LRRC37A: variants seen among roughly 807,000 people sequenced by gnomAD.
The protein encoded by LRRC37A is leucine-rich repeat-containing protein 37A.
A neutral mutation model predicts 35.4 loss-of-function variants in LRRC37A; 3 were observed. The ratio of observed to expected loss-of-function variants is 0.08; its 90% CI spans 0.04 to 0.22. The LOEUF (loss-of-function observed/expected upper bound fraction) is 0.22, where lower values mean the gene tolerates loss of function less well. LRRC37A is among the 10% of genes least tolerant of loss of function. The pLI is 1.00. For synonymous variants in LRRC37A, 23 were observed against 215.0 expected, an observed-to-expected ratio of 0.11 and a Z score of 7.81; for missense variants, 67 against 565.3, an observed-to-expected ratio of 0.12 and a Z score of 8.94.
At chr17:46,259,019 A>ATCTTTTTTTT in the LRRC37A span, among the ~76,000 whole-genome samples, 1 of 79,468 alleles carries the variant, frequency 1.3e-5, no homozygotes, top group Non-Finnish European at 2.2e-5. Flanking sequence ...CACCCGGCCT[A>ATCTTTTTTTT]TTTTTTTTTT....
At chr17:46,268,004 C>T in the LRRC37A span, among the ~76,000 whole-genome samples, 1 of 150,050 alleles carries the variant, frequency 6.7e-6, no homozygotes, top group Admixed American at 6.7e-5. Context: ...AGGTTCAAGC[C>T]ATTCTCCTGC....
the LRRC37A span, among the ~76,000 whole-genome samples, chr17:46,275,581 A>G: frequency 4.6e-5 from 7 of 152,264 alleles, no homozygotes; most frequent in Non-Finnish European, 8.8e-5. Context: ...TTAACCTATA[A>G]TAATAAAACT....
the LRRC37A span, among the ~76,000 whole-genome samples, chr17:46,282,772 A>G: frequency 1.3e-5 from 2 of 152,164 alleles, no homozygotes; most frequent in Non-Finnish European, 2.9e-5. Context: ...CTTAGAAACC[A>G]TCTTCCTTGC....
At chr17:46,288,706 C>CTTTTTTTTTTTTTTTTTTTT (rs199591277), upstream of LRRC37A, among the ~76,000 whole-genome samples, 3 of 139,024 alleles carry the variant, frequency 2.2e-5, no homozygotes, top group Admixed American at 7.2e-5. Flanking sequence ...CTTGTTTTTT[C>CTTTTTTTTTTTTTTTTTTTT]TTTTTTTTTT....
chr17:46,261,099 T>C, the LRRC37A span, among the ~76,000 whole-genome samples: 61 of 152,270 alleles, frequency 4.0e-4, no homozygotes, highest in Non-Finnish European at 5.3e-4. Context: ...AGACTATTAA[T>C]TGGGTGCAGT....
At chr17:46,281,471 C>G in the LRRC37A span, among the ~76,000 whole-genome samples, 3 of 151,952 alleles carry the variant, frequency 2.0e-5, no homozygotes, top group Non-Finnish European at 4.4e-5. Flanking sequence ...CTCACTGCAG[C>G]CTTGAACTCC....
chr17:46,265,335 CTCTTCTTCT>C, the LRRC37A span, among the ~76,000 whole-genome samples: 2 of 108,916 alleles, frequency 1.8e-5, no homozygotes, highest in African/African-American at 6.0e-5. Flanking sequence ...TTTTTTTCTC[CTCTTCTTCT>C]TCTTCTTCTC....
chr17:46,267,044 T>G, the LRRC37A span: 1 of 236,728 alleles, frequency 4.2e-6, no homozygotes, highest in South Asian at 1.5e-4. Context: ...CAGCTTCAGA[T>G]TCGGCCTCAG....
the LRRC37A span, among the ~76,000 whole-genome samples, chr17:46,264,081 G>C: frequency 7.9e-5 from 12 of 151,196 alleles, no homozygotes; most frequent in African/African-American, 2.9e-4. Flanking sequence ...TAAGTAAAAT[G>C]CTATCCTGAG....
the LRRC37A span, chr17:46,259,526 T>G: frequency 1.2e-6 from 2 of 1,607,614 alleles, no homozygotes; most frequent in Non-Finnish European, 8.5e-7. Flanking sequence ...CCATTCGGGC[T>G]GCCTGTGGAG....
chr17:46,279,175 CTT>C, the LRRC37A span, among the ~76,000 whole-genome samples: 1 of 147,784 alleles, frequency 6.8e-6, no homozygotes, highest in Non-Finnish European at 1.5e-5. Flanking sequence ...ATAAGGCATT[CTT>C]TTTTTTCTTT....
At chr17:46,279,506 T>TC in the LRRC37A span, among the ~76,000 whole-genome samples, 1 of 122,572 alleles carries the variant, frequency 8.2e-6, no homozygotes, top group Non-Finnish European at 1.8e-5. Context: ...CTTTCTTTTT[T>TC]TTTTTTTTTT....
At chr17:46,259,611 A>G in the LRRC37A span, 1 of 1,611,632 alleles carries the variant, frequency 6.2e-7, no homozygotes, top group Non-Finnish European at 8.5e-7. Flanking sequence ...CCCCAGACTC[A>G]CTGAGTGCCT....
the LRRC37A span, among the ~76,000 whole-genome samples, chr17:46,248,290 T>A: frequency 3.3e-5 from 5 of 152,122 alleles, no homozygotes; most frequent in African/African-American, 1.2e-4. Flanking sequence ...AGTGTACAAT[T>A]TGATGAGTTT....
the LRRC37A span, among the ~76,000 whole-genome samples, chr17:46,286,487 A>G: frequency 6.6e-6 from 1 of 152,252 alleles, no homozygotes; most frequent in Non-Finnish European, 1.5e-5. Flanking sequence ...GCACCATTTC[A>G]AACACTGATA....
At chr17:46,289,957 A>T (rs1259900252), upstream of LRRC37A, among the ~76,000 whole-genome samples, 1 of 152,200 alleles carries the variant, frequency 6.6e-6, no homozygotes, top group Non-Finnish European at 1.5e-5. Context: ...CATCTCTACT[A>T]AAAATACAAA....
chr17:46,279,312 T>C, the LRRC37A span, among the ~76,000 whole-genome samples: 1 of 151,554 alleles, frequency 6.6e-6, no homozygotes, highest in African/African-American at 2.4e-5. Context: ...GCCTCCCAAG[T>C]AGCGAGGATT....
chr17:46,288,961 A>G (rs1274560933), upstream of LRRC37A, among the ~76,000 whole-genome samples: 2 of 152,144 alleles, frequency 1.3e-5, no homozygotes, highest in Admixed American at 6.5e-5. Flanking sequence ...TCAGCCTCCC[A>G]AAGTGCTGGG....
chr17:46,266,840 G>T, the LRRC37A span, among the ~76,000 whole-genome samples: 1 of 151,324 alleles, frequency 6.6e-6, no homozygotes, highest in African/African-American at 2.4e-5. Context: ...GGCGCAAGCC[G>T]AGAACCGCGC....
Sources: allele counts gnomAD v4.1 joint callset (sites outside exome capture counted in the v4.1 genomes callset), GRCh38; gene constraint gnomAD v4.1.1; transcripts MANE v1.5; gene names NCBI Gene and HGNC (gene_info 2026-07-23, HGNC 2026-07-21).